Variants in COL4A1 observed in about 807,000 individuals in gnomAD.
COL4A1 encodes the protein collagen alpha-1(IV) chain.
Under a neutral mutation model 216.6 loss-of-function variants are expected in COL4A1, and 40 were observed. The ratio of observed to expected loss-of-function variants is 0.18; its 90% CI spans 0.14 to 0.24. The LOEUF (loss-of-function observed/expected upper bound fraction) is 0.24, where lower values mean the gene tolerates loss of function less well. COL4A1 is among the 10% of genes least tolerant of loss of function. COL4A1 has a pLI of 1.00. For missense variants in COL4A1, 1,628 were observed against 2,196.8 expected (o/e 0.74, Z 5.18); for synonymous variants, 839 against 810.7 (o/e 1.03, Z -0.59).
chr13:110,205,895 G>A (rs116920050), intron 15 of COL4A1, among the ~76,000 whole-genome samples: 2,949 of 151,800 alleles, frequency 0.019, 36 homozygotes, highest in Non-Finnish European at 0.031. Flanking sequence ...ATATAATAAC[G>A]GATATAACAC....
intron 1 of COL4A1, among the ~76,000 whole-genome samples, chr13:110,260,898 G>A (rs1245925040): frequency 6.6e-6 from 1 of 151,998 alleles, no homozygotes; most frequent in Non-Finnish European, 1.5e-5. Flanking sequence ...TTAGCTGGGT[G>A]CGGTGGAGGG....
chr13:110,243,131 C>T (rs191208421), intron 1 of COL4A1, among the ~76,000 whole-genome samples: 24 of 152,304 alleles, frequency 1.6e-4, no homozygotes, highest in Admixed American at 9.8e-4. Context: ...GACCTAAGAC[C>T]GTGGAGGCTG....
chr13:110,284,267 T>C (rs1309573565), intron 1 of COL4A1, among the ~76,000 whole-genome samples: 1 of 152,170 alleles, frequency 6.6e-6, no homozygotes, highest in South Asian at 2.1e-4. Flanking sequence ...AGAGCTAAGC[T>C]GGGAGGAAAG....
At chr13:110,204,762 T>C (rs530706622) in intron 17 of COL4A1, among the ~76,000 whole-genome samples, 1 of 152,214 alleles carries the variant, frequency 6.6e-6, no homozygotes, top group Non-Finnish European at 1.5e-5. Flanking sequence ...TGTCTGACTG[T>C]GGACCCCAAT....
intron 2 of COL4A1, among the ~76,000 whole-genome samples, chr13:110,239,137 T>C (rs1390951216): frequency 6.6e-6 from 1 of 152,188 alleles, no homozygotes; most frequent in African/African-American, 2.4e-5. Flanking sequence ...TGAATTTAAC[T>C]GTTGAACTCA....
intron 20 of COL4A1, 35 bp downstream of exon 20, chr13:110,200,819 A>G: frequency 6.2e-7 from 1 of 1,607,108 alleles, no homozygotes; most frequent in Non-Finnish European, 8.5e-7. Context: ...GAAGGTGTGC[A>G]AGTATGCTAT....
chr13:110,158,100 A>C (rs2138423840), intron 49 of COL4A1, among the ~76,000 whole-genome samples: 1 of 152,364 alleles, frequency 6.6e-6, no homozygotes, highest in African/African-American at 2.4e-5. Context: ...TGAGCAAGAA[A>C]AGTCTCAAAA....
rs1188260518 is a variant in COL4A1, at chr13:110,176,568, G to T, written c.2969-55C>A. ...GTTGACATCTACAGAAAGAGCTGGG[G>T]AACACAGGCCTCATCCTGAGCCCTT... On this transcript the variant is annotated intron_variant, in intron 35 of 51. Coordinates refer to ENST00000375820, the MANE Select transcript of COL4A1 (RefSeq NM_001845.6). 3.1e-6 allele frequency: 5 copies of T among 1,592,548 alleles called. No individual in the cohort carries two copies. The East Asian group carries it at 6.7e-5, about 21-fold the overall frequency.
chr13:110,228,762 G>A (rs1880868811), intron 2 of COL4A1, among the ~76,000 whole-genome samples: 1 of 152,172 alleles, frequency 6.6e-6, no homozygotes, highest in African/African-American at 2.4e-5. Flanking sequence ...ACAGAAATCA[G>A]AACAGCTAGT....
At chr13:110,240,356 A>C (rs1000531812) in intron 2 of COL4A1, among the ~76,000 whole-genome samples, 1 of 152,220 alleles carries the variant, frequency 6.6e-6, no homozygotes, top group African/African-American at 2.4e-5. Flanking sequence ...AAGGCCACAC[A>C]AGGAGGGGAG....
intron 1 of COL4A1, among the ~76,000 whole-genome samples, chr13:110,284,247 T>G (rs1029415602): frequency 1.3e-5 from 2 of 152,166 alleles, no homozygotes; most frequent in Non-Finnish European, 2.9e-5. Flanking sequence ...CTTAAACATC[T>G]GTCACAAGCA....
chr13:110,295,282 G>C (rs977404174), intron 1 of COL4A1, among the ~76,000 whole-genome samples: 1 of 145,616 alleles, frequency 6.9e-6, no homozygotes, highest in Non-Finnish European at 1.5e-5. Flanking sequence ...TTTTTGAGAC[G>C]GAGTTTGTAC....
rs113894915 is a variant in COL4A1 at position 110,194,916 on chromosome 13, C to T, written c.1381+107G>A. ...GAGGGTTCCAAATAAAAGGAACCTA[C>T]GCCCTAACTCTGCCCACCCCCACTT... is the stretch of plus-strand genomic sequence containing the variant. On this transcript the variant is annotated intron_variant, in intron 22 of 51. Coordinates refer to ENST00000375820, the MANE Select transcript of COL4A1 (RefSeq NM_001845.6). 532 of 831,350 alleles carry T rather than the reference C, an allele frequency of 6.4e-4. 1 individual carries two copies. Among genetic ancestry groups the T allele is most frequent in the African/African-American group, 4.9e-3 (292 of 59,514 alleles). The allele number at this position is 831,350 out of a possible 1,614,324, so 51.5% of individuals were successfully genotyped here. A position where few individuals can be genotyped will look rare whatever the true frequency, so the allele number is the denominator to read the frequency against.
chr13:110,249,825 A>C (rs1010479712), intron 1 of COL4A1, among the ~76,000 whole-genome samples: 1 of 152,226 alleles, frequency 6.6e-6, no homozygotes, highest in African/African-American at 2.4e-5. Context: ...GTTGTAGTAC[A>C]AATAATGATT....
In COL4A1 at chr13:110,181,537, G is replaced by T. The variant is rs1334040910; in HGVS notation, c.2096-148C>A. The T allele has an allele frequency of 3.8e-6, 3 of 796,920 alleles. No individual in the cohort carries two copies. The East Asian group carries it at 8.0e-5, about 21-fold the overall frequency. 49.4% of individuals were successfully genotyped at this position (796,920 alleles called of 1,614,324 possible). A position where few individuals can be genotyped will look rare whatever the true frequency, so the allele number is the denominator to read the frequency against. ...TGGAGGCCTTCCGAGGTGGCTGGAA[G>T]AGGCCAGGGGAGACTGCCCGGCAGA... On this transcript the variant is annotated intron_variant, in intron 28 of 51. Coordinates refer to ENST00000375820, the MANE Select transcript of COL4A1 (RefSeq NM_001845.6).
chr13:110,195,984 G>A (rs1310914992), intron 21 of COL4A1, among the ~76,000 whole-genome samples: 1 of 152,154 alleles, frequency 6.6e-6, no homozygotes, highest in Non-Finnish European at 1.5e-5. Context: ...AGGGTGTGGA[G>A]TGGGGCTGTG....
chr13:110,151,124 A>T (rs991203232), intron 51 of COL4A1, among the ~76,000 whole-genome samples: 8 of 152,196 alleles, frequency 5.3e-5, no homozygotes, highest in Non-Finnish European at 7.3e-5. Flanking sequence ...TAAAATAAAT[A>T]AATTAATTAA....
chr13:110,265,930 C>T (rs1883011067), intron 1 of COL4A1: 1 of 152,152 alleles, frequency 6.6e-6, no homozygotes, highest in African/African-American at 2.4e-5. Flanking sequence ...TCCACCATGC[C>T]TGCTGGGATG....
At chr13:110,271,593 G>T (rs969762106) in intron 1 of COL4A1, among the ~76,000 whole-genome samples, 1 of 152,162 alleles carries the variant, frequency 6.6e-6, no homozygotes, top group African/African-American at 2.4e-5. Flanking sequence ...GGTCACCCCT[G>T]CCAGCCCCCG....
Sources: allele counts gnomAD v4.1 joint callset (sites outside exome capture counted in the v4.1 genomes callset), GRCh38; gene constraint gnomAD v4.1.1; transcripts MANE v1.5; gene names NCBI Gene and HGNC (gene_info 2026-07-23, HGNC 2026-07-21).